Variants in AKR1C3 observed in about 807,000 individuals in gnomAD.
AKR1C3 encodes the protein 3-alpha hydroxysteroid dehydrogenase, type II.
AKR1C3 carries 48 observed loss-of-function variants against 43.6 expected under a neutral mutation model. The ratio of observed to expected loss-of-function variants is 1.10; its 90% CI spans 0.87 to 1.40. The LOEUF is 1.40. Among genes scored for constraint, AKR1C3 ranks in the 40% most tolerant of loss-of-function variants. The probability of loss-of-function intolerance (pLI) is 0.00; values close to 1 mark genes in which losing one functional copy is unlikely to be tolerated. For missense variants in AKR1C3, 482 were observed against 391.2 expected (o/e 1.23, Z -1.96); for synonymous variants, 162 against 139.6 (o/e 1.16, Z -1.13).
rs1159045331 is a variant in AKR1C3 at position 5,095,517 on chromosome 10, C to T, written c.85-893C>T. ...AAAAAAGACTGTTCTCAGGAGATGGCGGGGAGACCGTTATCTAGTTCCTTG... is the reference window on the plus strand; with the variant it reads ...AAAAAAGACTGTTCTCAGGAGATGGTGGGGAGACCGTTATCTAGTTCCTTG... On this transcript the variant is annotated intron_variant, in intron 1 of 8. Transcript: ENST00000380554. Among the ~76,000 whole-genome samples, 3 of 150,878 alleles carry T rather than the reference C, an allele frequency of 2.0e-5. No homozygotes were observed. The South Asian group carries it at 6.3e-4, about 32-fold the overall frequency.
upstream of AKR1C3, among the ~76,000 whole-genome samples, chr10:5,090,849 C>G (rs1237329754): frequency 6.6e-6 from 1 of 152,070 alleles, no homozygotes; most frequent in Non-Finnish European, 1.5e-5. Flanking sequence ...CAAAGTGAGA[C>G]TGTTCTGTCC....
Position 5,098,785 on chromosome 10 carries a change from G to C in AKR1C3, c.370-17G>C. 1 of 1,610,064 alleles carries C rather than the reference G, an allele frequency of 6.2e-7. No individual in the cohort carries two copies. The highest frequency in any genetic ancestry group is 8.5e-7 in the Non-Finnish European group (1 of 1,176,746). ...AATTAATTTGTGACATCATTAAAAT[G>C]ACTGCTTCTATTTCAGCCAGGTGAG... On this transcript the variant is annotated splice_polypyrimidine_tract_variant and intron_variant, in intron 3 of 8. Coordinates refer to ENST00000380554, the MANE Select transcript of AKR1C3 (RefSeq NM_003739.6).
intron 1 of AKR1C3, among the ~76,000 whole-genome samples, chr10:5,050,645 T>C (rs1838135323): frequency 6.6e-6 from 1 of 152,160 alleles, no homozygotes; most frequent in Admixed American, 6.5e-5. Context: ...AAAAAGGAAA[T>C]TATTAAATGA....
intron 1 of AKR1C3, among the ~76,000 whole-genome samples, chr10:5,080,283 T>G (rs559068924): frequency 1.3e-5 from 2 of 152,286 alleles, no homozygotes; most frequent in African/African-American, 4.8e-5. Context: ...CTTGTGCAAG[T>G]ATACTTACTT....
chr10:5,096,294 T>G (rs548422759), intron 1 of AKR1C3, 116 bp from the exon 2 acceptor site: 1 of 1,289,328 alleles, frequency 7.8e-7, no homozygotes, highest in Non-Finnish European at 1.1e-6. Context: ...GATGGACTTT[T>G]CACCCCACAT....
rs34186955 is a variant in AKR1C3, at chr10:5,099,417, C to T, written c.538C>T (p.Pro180Ser). 25,078 of 1,614,130 alleles carry T rather than the reference C, an allele frequency of 0.016. 280 individuals carry two copies. The highest frequency in any genetic ancestry group is 0.017 in the Non-Finnish European group (19,932 of 1,179,986). Residue 180 changes from proline (P) to serine (S), a missense_variant, in exon 5 of 9, where the codon CCA (proline) becomes TCA (serine). Physicochemically the swap from Pro to Ser is moderately conservative, Grantham distance 74 (BLOSUM62 -1). Coordinates refer to ENST00000380554, the MANE Select transcript of AKR1C3 (RefSeq NM_003739.6). The stretch of plus-strand genomic sequence containing the variant: ...GCAGCTGGAGATGATCCTCAACAAG[C>T]CAGGACTCAAGTACAAGCCTGTCTG... ...RRQLEMILNK[P>S]GLKYKPVCNQ...
Position 5,098,710 on chromosome 10 carries a change from G to A in AKR1C3, c.370-92G>A, listed in dbSNP as rs912747389. 17 of 950,102 alleles carry A rather than the reference G, an allele frequency of 1.8e-5. No homozygotes were observed. In the African/African-American group the frequency reaches 2.4e-4, roughly 14 times the overall value. 58.9% of individuals were successfully genotyped at this position (950,102 alleles called of 1,614,324 possible). ...TGGAGCATTGTACCACCTGTCTCAT[G>A]GAGGATTAGTGTCCTTAAAGGTACC... On this transcript the variant is annotated intron_variant, in intron 3 of 8. Coordinates refer to ENST00000380554, the MANE Select transcript of AKR1C3 (RefSeq NM_003739.6).
chr10:5,055,105 G>T (rs1408222378), intron 1 of AKR1C3, among the ~76,000 whole-genome samples: 1 of 152,156 alleles, frequency 6.6e-6, no homozygotes, highest in African/African-American at 2.4e-5. Context: ...AGTGCCACTA[G>T]TTCTGCTAAC....
intron 1 of AKR1C3, among the ~76,000 whole-genome samples, chr10:5,083,093 CACTTTAAG>C (rs1181464621): frequency 1.0e-3 from 5 of 4,836 alleles, no homozygotes; most frequent in Admixed American, 1.7e-3. Context: ...TATTATTATA[CACTTTAAG>C]TTTTAGGGTA....
intron 1 of AKR1C3, among the ~76,000 whole-genome samples, chr10:5,094,916 A>G (rs1425300034): frequency 6.6e-6 from 1 of 152,128 alleles, no homozygotes; most frequent in Non-Finnish European, 1.5e-5. Flanking sequence ...ATCCAGAGAA[A>G]TACTTATAGC....
intron 7 of AKR1C3, chr10:5,105,360 A>T: frequency 3.0e-6 from 1 of 336,696 alleles, no homozygotes; most frequent in Non-Finnish European, 5.4e-6. Context: ...TTTTCTGTTG[A>T]AATTTTCTCT....
chr10:5,096,151 C>T, intron 1 of AKR1C3: 2 of 339,204 alleles, frequency 5.9e-6, no homozygotes, highest in South Asian at 7.1e-5. Context: ...TTAACTTTTC[C>T]AACAAATCAC....
chr10:5,056,316 C>G (rs1482914807), intron 1 of AKR1C3, among the ~76,000 whole-genome samples: 1 of 152,088 alleles, frequency 6.6e-6, no homozygotes, highest in Non-Finnish European at 1.5e-5. Flanking sequence ...AAGAAGGCAT[C>G]CTTGAGGTCC....
intron 2 of AKR1C3, 79 bp from the exon 3 acceptor site, chr10:5,097,328 ATAAATTTTGAAGCAGTAGGAAAATATC>A: frequency 7.3e-7 from 1 of 1,374,962 alleles, no homozygotes; most frequent in East Asian, 2.3e-5. Flanking sequence ...GCCAGTGGTC[ATAAATTTTGAAGCAGTAGGAAAATATC>A]TAAATACTAG....
At chr10:5,049,712 C>A (rs1314991351) in intron 1 of AKR1C3, among the ~76,000 whole-genome samples, 1 of 152,220 alleles carries the variant, frequency 6.6e-6, no homozygotes, top group Non-Finnish European at 1.5e-5. Context: ...ATTTGAGTCT[C>A]ACTTTTCTCT....
Position 5,082,544 on chromosome 10 carries a change from T to G in AKR1C3, c.85-13866T>G. On this transcript the variant is annotated intron_variant, in intron 1 of 8. Coordinates refer to the AKR1C3 transcript ENST00000439082. ...AACTCGGCATCTGTTGGGATGATCATTTTTTTTTTGCTTTTAAGTATGTTT... is the reference window on the plus strand; with the variant it reads ...AACTCGGCATCTGTTGGGATGATCAGTTTTTTTTTGCTTTTAAGTATGTTT... Among the ~76,000 whole-genome samples, 2 of 146,724 alleles carry G rather than the reference T, an allele frequency of 1.4e-5. 1 individual carries two copies. The highest frequency in any genetic ancestry group is 3.0e-5 in the Non-Finnish European group (2 of 67,222).
At chr10:5,075,276 C>A (rs1838690183) in intron 1 of AKR1C3, among the ~76,000 whole-genome samples, 1 of 152,088 alleles carries the variant, frequency 6.6e-6, no homozygotes, top group Admixed American at 6.6e-5. Flanking sequence ...AGTTTGTGTG[C>A]CTTTTCTCTT....
At chr10:5,082,911 T>A (rs1043313904) in intron 1 of AKR1C3, among the ~76,000 whole-genome samples, 10 of 152,156 alleles carry the variant, frequency 6.6e-5, no homozygotes, top group African/African-American at 2.4e-4. Context: ...GTTGTGAATC[T>A]CTCTGGTCCC....
At chr10:5,089,249 T>C (rs1839034910) in intron 1 of AKR1C3, among the ~76,000 whole-genome samples, 1 of 152,148 alleles carries the variant, frequency 6.6e-6, no homozygotes, top group Non-Finnish European at 1.5e-5. Context: ...ATAGTATCTT[T>C]CAGGTATTCT....
Sources: gnomAD v4.1 joint callset for allele counts (sites outside exome capture counted in the v4.1 genomes callset) on GRCh38, gnomAD v4.1.1 for gene constraint, MANE v1.5 for transcripts, NCBI Gene and HGNC (gene_info 2026-07-23, HGNC 2026-07-21) for gene names.